Variants in COL8A1 observed in about 807,000 individuals in gnomAD.
COL8A1 encodes the protein collagen alpha-1(VIII) chain.
COL8A1 carries 21 observed loss-of-function variants against 42.7 expected under a neutral mutation model. That is an observed-to-expected ratio of 0.49 (90% CI 0.35 to 0.71). COL8A1 has a LOEUF of 0.71. COL8A1 is among the 30% of genes least tolerant of loss of function. The pLI, the probability that COL8A1 is intolerant of heterozygous loss-of-function variation, is 0.01. For missense variants in COL8A1, 788 were observed against 962.4 expected (o/e 0.82, Z 2.40); for synonymous variants, 367 against 369.1 (o/e 0.99, Z 0.06).
chr3:99,750,049 C>CTTTTTTTTTTTTTTTTTTTTTTTTTTTT (rs1176042144), intron 2 of COL8A1, among the ~76,000 whole-genome samples: 2 of 65,960 alleles, frequency 3.0e-5, no homozygotes, highest in Non-Finnish European at 5.3e-5. Flanking sequence ...TTTTTTTCTT[C>CTTTTTTTTTTTTTTTTTTTTTTTTTTTT]TTTTTTTTTT....
chr3:99,675,614 G>C (rs1185800313), intron 1 of COL8A1: 3 of 152,398 alleles, frequency 2.0e-5, no homozygotes, highest in Non-Finnish European at 4.4e-5. Context: ...TTTTTAGTTT[G>C]TAACTTTCCT....
intron 1 of COL8A1, among the ~76,000 whole-genome samples, chr3:99,732,484 A>G (rs1302281633): frequency 6.6e-6 from 1 of 152,098 alleles, no homozygotes; most frequent in Non-Finnish European, 1.5e-5. Context: ...TGCCAAGCAA[A>G]AGGGGGAAAA....
chr3:99,785,432 C>G (rs1941875528), intron 2 of COL8A1, among the ~76,000 whole-genome samples: 1 of 152,072 alleles, frequency 6.6e-6, no homozygotes, highest in African/African-American at 2.4e-5. Flanking sequence ...AAAACATAAG[C>G]TTGGTTACAA....
At chr3:99,724,224 CTA>C (rs1258038637) in intron 1 of COL8A1, among the ~76,000 whole-genome samples, 2 of 152,070 alleles carry the variant, frequency 1.3e-5, no homozygotes, top group East Asian at 3.9e-4. Flanking sequence ...GTTGGTCCTC[CTA>C]TATGTCACAT....
intron 3 of COL8A1, among the ~76,000 whole-genome samples, chr3:99,792,794 A>G (rs919281944): frequency 1.4e-4 from 22 of 152,236 alleles, no homozygotes; most frequent in African/African-American, 5.3e-4. Flanking sequence ...TGTATATGAG[A>G]AATTATTTGT....
In COL8A1 at chr3:99,728,243, C is replaced by T. The variant is rs535728992; in HGVS notation, c.-128-16654C>T. On this transcript the variant is annotated intron_variant, in intron 1 of 3. Coordinates refer to ENST00000652472, the MANE Select transcript of COL8A1 (RefSeq NM_020351.4). ...GACATGATTGTATATCTAGAAAACCCCATTGTCTCAGCCCAAAATCTCCTT... is the reference window on the plus strand; with the variant it reads ...GACATGATTGTATATCTAGAAAACCTCATTGTCTCAGCCCAAAATCTCCTT... Among the ~76,000 whole-genome samples, 3 of 152,068 alleles carry T rather than the reference C, an allele frequency of 2.0e-5. No individual in the cohort carries two copies. The South Asian group carries it at 6.2e-4, about 32-fold the overall frequency.
intron 2 of COL8A1, among the ~76,000 whole-genome samples, chr3:99,765,278 C>G (rs1038625780): frequency 6.6e-6 from 1 of 152,158 alleles, no homozygotes; most frequent in African/African-American, 2.4e-5. Context: ...TCAATCTTAG[C>G]TCCAGTCTGG....
chr3:99,780,967 G>A (rs1298451392), intron 2 of COL8A1, among the ~76,000 whole-genome samples: 12 of 152,130 alleles, frequency 7.9e-5, no homozygotes, highest in Admixed American at 6.5e-5. Flanking sequence ...ATGTTACCAC[G>A]CAGGCTAATT....
chr3:99,650,105 A>G (rs1937793709), intron 1 of COL8A1, among the ~76,000 whole-genome samples: 5 of 152,096 alleles, frequency 3.3e-5, no homozygotes, highest in Admixed American at 3.3e-4. Flanking sequence ...CAGGAATTAA[A>G]TCTGATGGGC....
At chr3:99,697,241 C>T (rs1182079678) in intron 1 of COL8A1, among the ~76,000 whole-genome samples, 2 of 152,056 alleles carry the variant, frequency 1.3e-5, no homozygotes, top group African/African-American at 4.8e-5. Context: ...CCGCCTCGGC[C>T]TCCCAAAGTG....
chr3:99,769,822 G>A (rs551587573), intron 2 of COL8A1, among the ~76,000 whole-genome samples: 1 of 152,122 alleles, frequency 6.6e-6, no homozygotes, highest in Non-Finnish European at 1.5e-5. Context: ...AAGAGGCTGA[G>A]GCAGGAGAAT....
intron 2 of COL8A1, among the ~76,000 whole-genome samples, chr3:99,761,862 ACTT>A (rs1941371315): frequency 6.6e-6 from 1 of 152,198 alleles, no homozygotes; most frequent in South Asian, 2.1e-4. Flanking sequence ...AAGATGAAAT[ACTT>A]CTTTTCTCTT....
chr3:99,676,489 C>T (rs968565357), intron 1 of COL8A1, among the ~76,000 whole-genome samples: 25 of 151,954 alleles, frequency 1.6e-4, no homozygotes, highest in African/African-American at 5.1e-4. Flanking sequence ...AAAAGAAAAT[C>T]ACAAAATAAA....
At chr3:99,644,163 G>A (rs1937593394) in intron 1 of COL8A1, among the ~76,000 whole-genome samples, 1 of 152,136 alleles carries the variant, frequency 6.6e-6, no homozygotes, top group African/African-American at 2.4e-5. Context: ...CCTCTCAAAT[G>A]CTTGAGAGAT....
intron 1 of COL8A1, among the ~76,000 whole-genome samples, chr3:99,660,497 C>A (rs888137218): frequency 6.6e-6 from 1 of 152,134 alleles, no homozygotes; most frequent in Non-Finnish European, 1.5e-5. Context: ...CTTTCCAGCC[C>A]CTAAAACCGG....
intron 1 of COL8A1, among the ~76,000 whole-genome samples, chr3:99,666,607 GT>G (rs1339041713): frequency 8.5e-5 from 13 of 152,224 alleles, no homozygotes; most frequent in Non-Finnish European, 1.9e-4. Flanking sequence ...ATTTAGACTA[GT>G]GTGGAAAGTT....
intron 1 of COL8A1, among the ~76,000 whole-genome samples, chr3:99,662,254 T>G (rs1938228982): frequency 6.6e-6 from 1 of 151,886 alleles, no homozygotes; most frequent in Admixed American, 6.6e-5. Context: ...TGGTGGTGAG[T>G]GCCTATAATC....
At chr3:99,723,958 G>C (rs1211414151) in intron 1 of COL8A1, among the ~76,000 whole-genome samples, 1 of 152,008 alleles carries the variant, frequency 6.6e-6, no homozygotes, top group African/African-American at 2.4e-5. Flanking sequence ...GTACTTCTCT[G>C]CTTATACAGC....
chr3:99,779,423 G>A (rs541836367), intron 2 of COL8A1, among the ~76,000 whole-genome samples: 5 of 152,300 alleles, frequency 3.3e-5, no homozygotes, highest in African/African-American at 1.2e-4. Context: ...TCCTTCAGCA[G>A]TAAAAGATAG....
Sources: allele counts gnomAD v4.1 joint callset (sites outside exome capture counted in the v4.1 genomes callset), GRCh38; gene constraint gnomAD v4.1.1; transcripts MANE v1.5; gene names NCBI Gene and HGNC (gene_info 2026-07-23, HGNC 2026-07-21).